SCAMP1: variants seen among roughly 807,000 people sequenced by gnomAD.
The protein encoded by SCAMP1 is secretory carrier membrane protein 1.
SCAMP1 carries 15 observed loss-of-function variants against 41.8 expected under a neutral mutation model. The observed-to-expected ratio is 0.36, with a 90% CI of 0.24 to 0.55. The LOEUF is 0.55. Among genes scored for constraint, SCAMP1 ranks in the 20% least tolerant of loss-of-function variants. SCAMP1 has a pLI of 0.86. For missense variants in SCAMP1, 341 were observed against 412.6 expected, an observed-to-expected ratio of 0.83 and a Z score of 1.50; for synonymous variants, 135 against 136.8, an observed-to-expected ratio of 0.99 and a Z score of 0.09.
chr5:78,426,803 A>G (rs1410176001), intron 6 of SCAMP1, among the ~76,000 whole-genome samples: 1 of 152,168 alleles, frequency 6.6e-6, no homozygotes, highest in African/African-American at 2.4e-5. Context: ...ATTTCATGTA[A>G]ATGGAATCAT....
rs1320918887 is a variant in SCAMP1 at position 78,460,822 on chromosome 5, T to TTCCTTCCTTCCTTCCTTCC, written c.852+1461_852+1462insCCTTCCTTCCTTCCTTCCT. Among the ~76,000 whole-genome samples the TTCCTTCCTTCCTTCCTTCC allele has an allele frequency of 8.0e-4, 38 of 47,790 alleles. 5 individuals carry two copies. The highest frequency in any genetic ancestry group is 2.5e-3 in the African/African-American group (38 of 14,934). 31.4% of individuals were successfully genotyped at this position (47,790 alleles called of 152,430 possible). On this transcript the variant is annotated intron_variant, in intron 8 of 8. Coordinates refer to ENST00000621999, the MANE Select transcript of SCAMP1 (RefSeq NM_004866.6). ...CTTCCTTCCTCCCTTCCTTCCTTCC[T>TTCCTTCCTTCCTTCCTTCC]TTCTTGTCTTTCCTCTATCTGTCTC...
At chr5:78,370,600 C>T (rs1241118628) in intron 1 of SCAMP1, 1 of 152,140 alleles carries the variant, frequency 6.6e-6, no homozygotes, top group East Asian at 1.9e-4. Context: ...TAAGTTGTTT[C>T]TGTTTTTTGT....
In SCAMP1 at chr5:78,387,941, G is replaced by T. The variant is rs74521506; in HGVS notation, c.58-896G>T. 7.2e-3 allele frequency among the ~76,000 whole-genome samples: 1,100 copies of T among 152,338 alleles called. 13 individuals carry two copies. Among genetic ancestry groups the T allele is most frequent in the Non-Finnish European group, 0.011 (754 of 68,020 alleles). On this transcript the variant is annotated intron_variant, in intron 1 of 8. Transcript: ENST00000621999. ...CAGCCAGGAGGTGGCACTTTTAAGA[G>T]CACATTAGCTGCAGTAGTAGGAGGA...
chr5:78,459,063 C>G (rs976952173), intron 7 of SCAMP1, among the ~76,000 whole-genome samples, 182 bp from the exon 8 acceptor site: 4 of 152,150 alleles, frequency 2.6e-5, no homozygotes, highest in Non-Finnish European at 4.4e-5. Context: ...CCTCATTTGT[C>G]AAATGGGGAT....
At chr5:78,366,662 A>G (rs1382619433) in intron 1 of SCAMP1, among the ~76,000 whole-genome samples, 1 of 152,164 alleles carries the variant, frequency 6.6e-6, no homozygotes. Flanking sequence ...AATGATACTT[A>G]CAAGTTGATT....
intron 6 of SCAMP1, among the ~76,000 whole-genome samples, chr5:78,422,287 T>A (rs1185313232): frequency 6.7e-6 from 1 of 148,618 alleles, no homozygotes; most frequent in Non-Finnish European, 1.5e-5. Flanking sequence ...CCACCCCACC[T>A]CCCAAATCAA....
intron 1 of SCAMP1, among the ~76,000 whole-genome samples, chr5:78,384,054 C>T (rs1432124887): frequency 6.6e-6 from 1 of 151,974 alleles, no homozygotes; most frequent in Non-Finnish European, 1.5e-5. Flanking sequence ...TGATTCTACC[C>T]ATCCATGAGC....
chr5:78,459,155 T>C, intron 7 of SCAMP1, 90 bp from the exon 8 acceptor site: 1 of 699,520 alleles, frequency 1.4e-6, no homozygotes, highest in Non-Finnish European at 2.6e-6. Context: ...ATTGCCTGGC[T>C]GATAAGTGTT....
In SCAMP1 at chr5:78,450,039, GT is replaced by G. The variant is rs200104831; in HGVS notation, c.734+16del. 4,856 of 1,235,884 alleles carry G rather than the reference GT, an allele frequency of 3.9e-3. No homozygotes were observed. The highest frequency in any genetic ancestry group is 4.4e-3 in the Non-Finnish European group (3,959 of 908,066). 76.6% of individuals were successfully genotyped at this position (1,235,884 alleles called of 1,614,324 possible). On this transcript the variant is annotated splice_donor_region_variant and intron_variant, in intron 7 of 8. Coordinates refer to ENST00000621999, the MANE Select transcript of SCAMP1 (RefSeq NM_004866.6). Reference sequence around the variant, plus strand: ...ATTTCATAACTGGGGCAATTGGTAAGTTTTTTTTTTTACTAGTTTTCAGCTT... The same window carrying G: ...ATTTCATAACTGGGGCAATTGGTAAGTTTTTTTTTTACTAGTTTTCAGCTT...
intron 1 of SCAMP1, among the ~76,000 whole-genome samples, chr5:78,382,811 G>GTGTGTGTGTGTGTGTGTGTT (rs1189365616): frequency 3.0e-4 from 21 of 69,206 alleles, no homozygotes; most frequent in African/African-American, 8.5e-4. Flanking sequence ...GTGTGTGTGT[G>GTGTGTGTGTGTGTGTGTGTT]TGTGTGTGCG....
chr5:78,388,778 T>C, intron 1 of SCAMP1, 59 bp from the exon 2 acceptor site: 1 of 907,186 alleles, frequency 1.1e-6, no homozygotes, highest in Non-Finnish European at 1.7e-6. Context: ...TATGTAAATA[T>C]CAAAATTATT....
intron 6 of SCAMP1, among the ~76,000 whole-genome samples, chr5:78,439,715 G>A (rs1752868105): frequency 6.6e-6 from 1 of 152,112 alleles, no homozygotes; most frequent in Non-Finnish European, 1.5e-5. Context: ...TTCTCAGGTA[G>A]TATCTGTGTG....
intron 2 of SCAMP1, among the ~76,000 whole-genome samples, chr5:78,411,448 G>A (rs1036753205): frequency 6.6e-6 from 1 of 152,106 alleles, no homozygotes; most frequent in Non-Finnish European, 1.5e-5. Flanking sequence ...ACAAGAAAAT[G>A]CTCTTAATCC....
intron 6 of SCAMP1, among the ~76,000 whole-genome samples, chr5:78,436,067 G>A (rs935432784): frequency 6.6e-6 from 1 of 152,016 alleles, no homozygotes; most frequent in African/African-American, 2.4e-5. Flanking sequence ...ACTTTTTGAT[G>A]GGGTTGTTTT....
At chr5:78,472,303 T>C (rs1027933361) in intron 8 of SCAMP1, among the ~76,000 whole-genome samples, 1 of 152,088 alleles carries the variant, frequency 6.6e-6, no homozygotes, top group Admixed American at 6.6e-5. Context: ...AGGTTTGTTA[T>C]GGGTATACAT....
chr5:78,448,099 C>CTCCTCTCCCCCTCCCCCT, intron 6 of SCAMP1, among the ~76,000 whole-genome samples: 1 of 35,704 alleles, frequency 2.8e-5, no homozygotes, highest in South Asian at 1.0e-3. Flanking sequence ...CCCCTTCCCC[C>CTCCTCTCCCCCTCCCCCT]TACTCCACTA....
chr5:78,425,629 C>G (rs1212637842), intron 6 of SCAMP1, among the ~76,000 whole-genome samples: 5 of 152,116 alleles, frequency 3.3e-5, no homozygotes, highest in African/African-American at 1.2e-4. Context: ...TTTCTACCAA[C>G]AGTTCTTGCC....
At chr5:78,402,479 C>T (rs556400011) in intron 2 of SCAMP1, among the ~76,000 whole-genome samples, 2 of 152,134 alleles carry the variant, frequency 1.3e-5, no homozygotes, top group African/African-American at 4.8e-5. Context: ...TTAGTTTTTG[C>T]CTCTTGTAGT....
intron 6 of SCAMP1, among the ~76,000 whole-genome samples, chr5:78,436,278 T>C (rs1752750602): frequency 6.6e-6 from 1 of 152,242 alleles, no homozygotes; most frequent in African/African-American, 2.4e-5. Flanking sequence ...TTTTGGTGTT[T>C]TAGTCATGAA....
Sources: allele counts gnomAD v4.1 joint callset (sites outside exome capture counted in the v4.1 genomes callset), GRCh38; gene constraint gnomAD v4.1.1; transcripts MANE v1.5; gene names NCBI Gene and HGNC (gene_info 2026-07-23, HGNC 2026-07-21).